ABHD5: variants seen among roughly 807,000 people sequenced by gnomAD.
ABHD5 encodes 1-acylglycerol-3-phosphate O-acyltransferase ABHD5.
In ABHD5, 30 loss-of-function variants were observed where a neutral mutation model predicts 44.9. The ratio of observed to expected loss-of-function variants is 0.67; its 90% CI spans 0.50 to 0.91. ABHD5 has a LOEUF of 0.91. Ranked by LOEUF, ABHD5 falls within the 40% of genes least tolerant of loss-of-function variation. ABHD5 has a pLI of 0.00. For synonymous variants in ABHD5, 167 were observed against 147.0 expected (o/e 1.14, Z -0.99); for missense variants, 399 against 423.4 (o/e 0.94, Z 0.50).
intron 6 of ABHD5, among the ~76,000 whole-genome samples, 198 bp from the exon 7 acceptor site, chr3:43,718,245 T>G (rs1251404801): frequency 6.6e-6 from 1 of 152,224 alleles, no homozygotes; most frequent in Non-Finnish European, 1.5e-5. Flanking sequence ...TTATTGAGAT[T>G]CAGTAGATTT....
chr3:43,730,499 C>CTTTT (rs68058215), intron 7 of ABHD5, among the ~76,000 whole-genome samples: 11 of 68,968 alleles, frequency 1.6e-4, no homozygotes, highest in South Asian at 5.8e-4. Context: ...AAAATAATCC[C>CTTTT]TTTTTTTTTT....
Position 43,718,631 on chromosome 3 carries a change from A to G in ABHD5, c.*99A>G. 5.1e-6 allele frequency: 6 copies of G among 1,183,334 alleles called. No individual in the cohort carries two copies. Among genetic ancestry groups the G allele is most frequent in the Non-Finnish European group, 7.6e-6 (6 of 791,200 alleles). 73.3% of individuals were successfully genotyped at this position (1,183,334 alleles called of 1,614,324 possible). A position where few individuals can be genotyped will look rare whatever the true frequency, so the allele number is the denominator to read the frequency against. The stretch of plus-strand genomic sequence containing the variant: ...AGAGTAGTGAATACAACACACAACC[A>G]GGCAGCCTTCTTGACTATACTTTGC... On this transcript the variant is annotated 3_prime_UTR_variant, in exon 7 of 7. Coordinates refer to ENST00000644371, the MANE Select transcript of ABHD5 (RefSeq NM_016006.6).
chr3:43,725,061 G>C (rs559324719), downstream of ABHD5, among the ~76,000 whole-genome samples: 7 of 152,292 alleles, frequency 4.6e-5, no homozygotes, highest in South Asian at 1.0e-3. Flanking sequence ...AAGTAGGACA[G>C]GTGTTGAATG....
chr3:43,691,032 G>C lies in ABHD5; in HGVS notation c.40G>C (p.Gly14Arg), dbSNP rs773970748. 1.3e-5 allele frequency: 21 copies of C among 1,560,372 alleles called. No individual in the cohort carries two copies. Among genetic ancestry groups the C allele is most frequent in the Non-Finnish European group, 1.8e-5 (21 of 1,155,568 alleles). Reference protein sequence around the residue: ...EEEEVDSADTGERSGWLTGWL... With the variant: ...EEEEVDSADTRERSGWLTGWL... ...GGAGGAGGTGGACTCTGCCGACACC[G>C]GAGAGAGGTAAGCGCAGCCGGCAGG... The change falls in exon 1 of 7, where the codon GGA becomes CGA. Residue 14 changes from glycine to arginine, a missense_variant. Coordinates refer to ENST00000644371, the MANE Select transcript of ABHD5 (RefSeq NM_016006.6).
rs563092723 is a variant in ABHD5, at chr3:43,699,209, A to G, written c.48-67A>G. 262 of 1,344,918 alleles carry G rather than the reference A, an allele frequency of 1.9e-4. 1 individual carries two copies. In the African/African-American group the frequency reaches 3.4e-3, roughly 18 times the overall value. 83.3% of individuals were successfully genotyped at this position (1,344,918 alleles called of 1,614,324 possible). A position where few individuals can be genotyped will look rare whatever the true frequency, so the allele number is the denominator to read the frequency against. On this transcript the variant is annotated intron_variant, in intron 1 of 6. Coordinates refer to ENST00000644371, the MANE Select transcript of ABHD5 (RefSeq NM_016006.6). ...TTCCTGTGCTGCCTTTCTTCTGTGC[A>G]TGTGACAATTGGTAGTTGAGAAGAG...
At chr3:43,705,053 A>T (rs1015479286) in intron 3 of ABHD5, among the ~76,000 whole-genome samples, 6 of 152,242 alleles carry the variant, frequency 3.9e-5, no homozygotes, top group African/African-American at 1.4e-4. Context: ...ATCTCAAATC[A>T]TGATTATGTC....
At chr3:43,708,440 G>T (rs2084649243) in intron 3 of ABHD5, among the ~76,000 whole-genome samples, 1 of 152,174 alleles carries the variant, frequency 6.6e-6, no homozygotes, top group African/African-American at 2.4e-5. Flanking sequence ...AAAAGCGGAG[G>T]TTAGAAGATA....
chr3:43,704,150 C>T (rs1373344273), intron 3 of ABHD5, among the ~76,000 whole-genome samples: 1 of 149,560 alleles, frequency 6.7e-6, no homozygotes, highest in African/African-American at 2.5e-5. Flanking sequence ...AGCAATTCTC[C>T]TGCCTCAGCC....
At chr3:43,704,101 G>A (rs372527070) in intron 3 of ABHD5, among the ~76,000 whole-genome samples, 5 of 148,546 alleles carry the variant, frequency 3.4e-5, no homozygotes, top group Admixed American at 2.7e-4. Context: ...GCAGTGGCGC[G>A]GTATCTCGGC....
rs2084834754 is a variant in ABHD5 at position 43,721,449 on chromosome 3, A to G, written c.*2917A>G. Reference sequence around the variant, plus strand: ...GAAGTCTATAGAAGAATTTTCAGCCAGATGGAATGGCTCATGGCTGTAATC... The same window carrying G: ...GAAGTCTATAGAAGAATTTTCAGCCGGATGGAATGGCTCATGGCTGTAATC... On this transcript the variant is annotated 3_prime_UTR_variant, in exon 7 of 7. Transcript: ENST00000644371. The G allele has an allele frequency of 6.6e-6, 1 of 152,020 alleles. No individual in the cohort carries two copies. Among genetic ancestry groups the G allele is most frequent in the African/African-American group, 2.4e-5 (1 of 41,414 alleles). 9.4% of individuals were successfully genotyped at this position (152,020 alleles called of 1,614,324 possible).
At position 43,717,862 on chromosome 3, in the gene ABHD5, G is replaced by C; in HGVS notation, c.960+5G>C. 1.9e-6 allele frequency: 3 copies of C among 1,614,140 alleles called. No homozygotes were observed. The highest frequency in any genetic ancestry group is 2.5e-6 in the Non-Finnish European group (3 of 1,179,982). The stretch of plus-strand genomic sequence containing the variant: ...CATTCATATGTGAAGACAATAGTAA[G>C]TGTGTGGCTTGATTTGGGTTTTTAG... On this transcript the variant is annotated splice_donor_5th_base_variant and intron_variant, in intron 6 of 6. Transcript: ENST00000644371.
rs1212572503 is a variant in ABHD5 at position 43,721,058 on chromosome 3, A to G, written c.*2526A>G. 1 of 152,198 alleles carries G rather than the reference A, an allele frequency of 6.6e-6. No homozygotes were observed. Among genetic ancestry groups the G allele is most frequent in the Non-Finnish European group, 1.5e-5 (1 of 68,044 alleles). 9.4% of individuals were successfully genotyped at this position (152,198 alleles called of 1,614,324 possible). A position where few individuals can be genotyped will look rare whatever the true frequency, so the allele number is the denominator to read the frequency against. ...TAAAACAAGAAGTACTGGAAAGAATAAACAAAAATAGCCAGAAGATGCCTA... is the reference window on the plus strand; with the variant it reads ...TAAAACAAGAAGTACTGGAAAGAATGAACAAAAATAGCCAGAAGATGCCTA... On this transcript the variant is annotated 3_prime_UTR_variant, in exon 7 of 7. Coordinates refer to ENST00000644371, the MANE Select transcript of ABHD5 (RefSeq NM_016006.6).
chr3:43,699,452 G>A (rs2084513043), intron 2 of ABHD5, 91 bp downstream of exon 2: 3 of 1,223,802 alleles, frequency 2.5e-6, no homozygotes, highest in Non-Finnish European at 3.6e-6. Flanking sequence ...AAGATTCTGT[G>A]GTGTGTTCAT....
chr3:43,692,753 C>A (rs1433804567), intron 1 of ABHD5, among the ~76,000 whole-genome samples: 4 of 152,088 alleles, frequency 2.6e-5, no homozygotes, highest in African/African-American at 7.2e-5. Context: ...GGATTGGAAC[C>A]CTTTGTGGAA....
intron 1 of ABHD5, among the ~76,000 whole-genome samples, chr3:43,693,011 G>T (rs867851150): frequency 2.6e-5 from 4 of 152,192 alleles, no homozygotes; most frequent in Admixed American, 1.3e-4. Context: ...CAGGCATACT[G>T]GGATCCATTT....
At chr3:43,716,624 G>T (rs943339232) in intron 5 of ABHD5, among the ~76,000 whole-genome samples, 3 of 152,192 alleles carry the variant, frequency 2.0e-5, no homozygotes, top group African/African-American at 4.8e-5. Flanking sequence ...GAGGTTCAAG[G>T]TCTTCAAGAG....
rs1318494769 is a variant in ABHD5 at position 43,713,296 on chromosome 3, C to G, written c.661+1433C>G. Among the ~76,000 whole-genome samples, 20 of 142,818 alleles carry G rather than the reference C, an allele frequency of 1.4e-4. 1 individual carries two copies. 93.7% of individuals were successfully genotyped at this position (142,818 alleles called of 152,430 possible). A position where few individuals can be genotyped will look rare whatever the true frequency, so the allele number is the denominator to read the frequency against. On this transcript the variant is annotated intron_variant, in intron 4 of 6. Coordinates refer to ENST00000644371, the MANE Select transcript of ABHD5 (RefSeq NM_016006.6). ...CAAGATCGCACCACTATTCTCCAGC[C>G]TGGGCAACAGTGCAAGACCCTGTCT...
At position 43,691,192 on chromosome 3, in the gene ABHD5, GCCCAGAGGCGT is replaced by G. The variant is rs1254024236; in HGVS notation, c.47+157_47+167del. 1.3e-5 allele frequency: 9 copies of G among 670,732 alleles called. No homozygotes were observed. In the Admixed American group the frequency reaches 3.5e-4, roughly 26 times the overall value. The allele number at this position is 670,732 out of a possible 1,614,324, so 41.5% of individuals were successfully genotyped here. A position where few individuals can be genotyped will look rare whatever the true frequency, so the allele number is the denominator to read the frequency against. On this transcript the variant is annotated intron_variant, in intron 1 of 6. Coordinates refer to ENST00000644371, the MANE Select transcript of ABHD5 (RefSeq NM_016006.6). ...CCTCCCCGGCATGAGTCCGCGCGGCGCCCAGAGGCGTCCCGGCGCCGCTCTGCCTGGGAGAG... is the reference window on the plus strand; with the variant it reads ...CCTCCCCGGCATGAGTCCGCGCGGCGCCCGGCGCCGCTCTGCCTGGGAGAG...
intron 4 of ABHD5, among the ~76,000 whole-genome samples, chr3:43,713,342 A>T (rs916431393): frequency 3.3e-5 from 5 of 149,344 alleles, no homozygotes; most frequent in African/African-American, 1.2e-4. Flanking sequence ...AAAAAAAAAA[A>T]GGAAAAGAAA....
Sources: allele counts gnomAD v4.1 joint callset (sites outside exome capture counted in the v4.1 genomes callset), GRCh38; gene constraint gnomAD v4.1.1; transcripts MANE v1.5; gene names NCBI Gene and HGNC (gene_info 2026-07-23, HGNC 2026-07-21).